Variants in SAMD5 observed in about 807,000 individuals in gnomAD.
SAMD5 encodes the protein sterile alpha motif domain containing 5.
A neutral mutation model predicts 11.3 loss-of-function variants in SAMD5; 13 were observed. The ratio of observed to expected loss-of-function variants is 1.15; its 90% CI spans 0.75 to 1.83. SAMD5 has a LOEUF of 1.83. Ranked by LOEUF, SAMD5 falls within the 40% of genes most tolerant of loss-of-function variation. The probability of loss-of-function intolerance (pLI) is 0.00; values close to 1 mark genes in which losing one functional copy is unlikely to be tolerated. For synonymous variants in SAMD5, 129 were observed against 111.3 expected, an observed-to-expected ratio of 1.16 and a Z score of -1.00; for missense variants, 255 against 239.1, an observed-to-expected ratio of 1.07 and a Z score of -0.44.
intron 1 of SAMD5, among the ~76,000 whole-genome samples, chr6:147,641,237 G>A (rs1470606732): frequency 6.6e-6 from 1 of 152,116 alleles, no homozygotes; most frequent in African/African-American, 2.4e-5. Flanking sequence ...GTCCAACATT[G>A]GAAGATTTCC....
chr6:147,710,299 G>A (rs1359220386), intron 1 of SAMD5, among the ~76,000 whole-genome samples: 2 of 152,142 alleles, frequency 1.3e-5, no homozygotes, highest in African/African-American at 4.8e-5. Context: ...CACTTACCCC[G>A]CCCTTATTCT....
chr6:147,736,683 A>G (rs1791809102), intron 1 of SAMD5, among the ~76,000 whole-genome samples: 1 of 152,176 alleles, frequency 6.6e-6, no homozygotes, highest in African/African-American at 2.4e-5. Flanking sequence ...GCCATTTCAG[A>G]TAGGCTGAAA....
At chr6:147,941,921 T>C in the SAMD5 span, among the ~76,000 whole-genome samples, 1 of 152,184 alleles carries the variant, frequency 6.6e-6, no homozygotes, top group African/African-American at 2.4e-5. Context: ...TCACCCAGGT[T>C]GGAGTGCAGT....
chr6:147,689,153 C>T (rs548213917), intron 1 of SAMD5, among the ~76,000 whole-genome samples: 14 of 152,152 alleles, frequency 9.2e-5, no homozygotes, highest in African/African-American at 3.4e-4. Flanking sequence ...TGGAAGTCAG[C>T]AGGAAAGAGG....
chr6:147,658,846 G>T (rs1199199367), intron 1 of SAMD5, among the ~76,000 whole-genome samples: 1 of 152,066 alleles, frequency 6.6e-6, no homozygotes, highest in South Asian at 2.1e-4. Flanking sequence ...GAGTGTTCTG[G>T]GGACACATTG....
intron 1 of SAMD5, among the ~76,000 whole-genome samples, chr6:147,601,962 G>A (rs1789622183): frequency 6.6e-6 from 1 of 152,136 alleles, no homozygotes. Context: ...CTAAAAGAAG[G>A]GGCTGAAGAC....
At chr6:147,762,207 AT>A in the SAMD5 span, among the ~76,000 whole-genome samples, 3 of 151,844 alleles carry the variant, frequency 2.0e-5, no homozygotes, top group Non-Finnish European at 4.4e-5. Flanking sequence ...AAAAGCAATT[AT>A]TTTATTTATT....
chr6:147,578,632 T>C (rs1019487318), intron 1 of SAMD5, among the ~76,000 whole-genome samples: 4 of 152,180 alleles, frequency 2.6e-5, no homozygotes, highest in Non-Finnish European at 4.4e-5. Context: ...TGGAGAATGA[T>C]AAATGTCAGT....
At chr6:147,722,655 C>T (rs992120064) in intron 1 of SAMD5, among the ~76,000 whole-genome samples, 1 of 152,146 alleles carries the variant, frequency 6.6e-6, no homozygotes, top group African/African-American at 2.4e-5. Flanking sequence ...TAATAGGCCT[C>T]TCCCCTAAGC....
intron 1 of SAMD5, among the ~76,000 whole-genome samples, chr6:147,638,257 A>G (rs1435397620): frequency 6.6e-6 from 1 of 152,190 alleles, no homozygotes; most frequent in Non-Finnish European, 1.5e-5. Flanking sequence ...TGGCACACGT[A>G]ACTTACTTCT....
At chr6:147,772,904 G>A in the SAMD5 span, among the ~76,000 whole-genome samples, 1 of 152,310 alleles carries the variant, frequency 6.6e-6, no homozygotes, top group Middle Eastern at 3.4e-3. Context: ...AAGTTGACTT[G>A]CAAACTGATG....
intron 1 of SAMD5, among the ~76,000 whole-genome samples, chr6:147,561,993 T>C (rs916128745): frequency 1.3e-5 from 2 of 152,122 alleles, no homozygotes; most frequent in African/African-American, 4.8e-5. Flanking sequence ...CCCCACCTAC[T>C]CCCTCAGTGA....
intron 1 of SAMD5, among the ~76,000 whole-genome samples, chr6:147,509,708 A>G (rs576574386): frequency 6.6e-6 from 1 of 152,126 alleles, no homozygotes; most frequent in Non-Finnish European, 1.5e-5. Flanking sequence ...GGAATTCCTA[A>G]CGCCCTCTAT....
chr6:147,941,565 ACCGTAT>A, the SAMD5 span, among the ~76,000 whole-genome samples: 3 of 152,174 alleles, frequency 2.0e-5, no homozygotes, highest in Non-Finnish European at 2.9e-5. Context: ...TTTTAGGGGT[ACCGTAT>A]CTGTTTACTT....
At chr6:147,881,449 C>A in the SAMD5 span, among the ~76,000 whole-genome samples, 712 of 152,232 alleles carry the variant, frequency 4.7e-3, 9 homozygotes, top group African/African-American at 0.016. Context: ...CTTGTCATAT[C>A]CTCCCTGGGG....
chr6:147,613,745 A>AG (rs1003072213), intron 1 of SAMD5, among the ~76,000 whole-genome samples: 1 of 151,730 alleles, frequency 6.6e-6, no homozygotes, highest in Admixed American at 6.6e-5. Context: ...GAAGAGCAGA[A>AG]GGGGGAAGGA....
At position 147,566,407 on chromosome 6, in the gene SAMD5, T is replaced by C; in HGVS notation, c.*1951T>C. On this transcript the variant is annotated 3_prime_UTR_variant, in exon 2 of 2. Transcript: ENST00000367474. ...ATTGTGATAACAAATGGCTTCCTGT[T>C]TGACCTCATTTCCAGGTGTCGCATC... 1 of 985,300 alleles carries C rather than the reference T, an allele frequency of 1.0e-6. No homozygotes were observed. Among genetic ancestry groups the C allele is most frequent in the Non-Finnish European group, 1.2e-6 (1 of 829,414 alleles). The allele number at this position is 985,300 out of a possible 1,614,324, so 61.0% of individuals were successfully genotyped here.
At chr6:147,678,085 T>G (rs1475516613) in intron 1 of SAMD5, among the ~76,000 whole-genome samples, 18 of 152,152 alleles carry the variant, frequency 1.2e-4, no homozygotes, top group Non-Finnish European at 1.5e-5. Context: ...TCATAGATAT[T>G]TATAGATGCA....
chr6:147,951,475 C>T, the SAMD5 span, among the ~76,000 whole-genome samples: 1 of 152,096 alleles, frequency 6.6e-6, no homozygotes, highest in African/African-American at 2.4e-5. Flanking sequence ...CATCACAGCC[C>T]TAATGCCCTT....
Sources: gnomAD v4.1 joint callset for allele counts (sites outside exome capture counted in the v4.1 genomes callset) on GRCh38, gnomAD v4.1.1 for gene constraint, MANE v1.5 for transcripts, NCBI Gene and HGNC (gene_info 2026-07-23, HGNC 2026-07-21) for gene names.